PRELID2: variants seen among roughly 807,000 people sequenced by gnomAD.
PRELID2 encodes PRELI domain-containing protein 2.
A neutral mutation model predicts 28.4 loss-of-function variants in PRELID2; 25 were observed. The ratio of observed to expected loss-of-function variants is 0.88; its 90% CI spans 0.64 to 1.23. The LOEUF is 1.23. PRELID2 is among the 50% of genes most tolerant of loss of function. PRELID2 has a pLI of 0.00. For synonymous variants in PRELID2, 76 were observed against 71.6 expected, an observed-to-expected ratio of 1.06 and a Z score of -0.31; for missense variants, 201 against 214.4, an observed-to-expected ratio of 0.94 and a Z score of 0.39.
intron 5 of PRELID2, among the ~76,000 whole-genome samples, chr5:145,773,430 T>G (rs1758224413): frequency 6.6e-6 from 1 of 152,246 alleles, no homozygotes; most frequent in African/African-American, 2.4e-5. Context: ...TTTTAAAAAA[T>G]TTGACCTGCA....
intron 1 of PRELID2, among the ~76,000 whole-genome samples, chr5:145,733,559 T>A (rs542809431): frequency 6.6e-6 from 1 of 152,236 alleles, no homozygotes; most frequent in African/African-American, 2.4e-5. Context: ...TTTCTCTAGA[T>A]GAAGCAAGAA....
intron 1 of PRELID2, among the ~76,000 whole-genome samples, chr5:145,494,944 A>G (rs1044843001): frequency 3.9e-5 from 6 of 152,176 alleles, no homozygotes; most frequent in Non-Finnish European, 8.8e-5. Flanking sequence ...ATATTCTTAT[A>G]TGTTAAGTGT....
the PRELID2 span, among the ~76,000 whole-genome samples, chr5:145,445,741 A>AACAC: frequency 9.5e-4 from 142 of 149,222 alleles, no homozygotes; most frequent in Non-Finnish European, 1.5e-3. Flanking sequence ...TGTCTCACAA[A>AACAC]ACACACACAC....
chr5:145,643,247 G>A (rs1228225101), intron 1 of PRELID2, among the ~76,000 whole-genome samples: 1 of 152,066 alleles, frequency 6.6e-6, no homozygotes, highest in East Asian at 1.9e-4. Flanking sequence ...TTGTAAATTG[G>A]ATTCCTAGGT....
At chr5:145,787,664 G>A (rs948676307) in intron 5 of PRELID2, among the ~76,000 whole-genome samples, 4 of 151,524 alleles carry the variant, frequency 2.6e-5, no homozygotes, top group Admixed American at 6.6e-5. Flanking sequence ...CTCAGCCCCC[G>A]GAGCAGCTGG....
At chr5:145,590,637 T>C (rs962203259) in intron 1 of PRELID2, among the ~76,000 whole-genome samples, 2 of 152,208 alleles carry the variant, frequency 1.3e-5, no homozygotes, top group African/African-American at 4.8e-5. Flanking sequence ...CTTACTAAAT[T>C]GTTACAAATC....
At chr5:145,377,575 C>G in the PRELID2 span, among the ~76,000 whole-genome samples, 1 of 152,120 alleles carries the variant, frequency 6.6e-6, no homozygotes, top group Admixed American at 6.6e-5. Context: ...ATATTTAAGA[C>G]AGTTAAATCT....
At chr5:145,324,572 T>G in the PRELID2 span, among the ~76,000 whole-genome samples, 1 of 152,210 alleles carries the variant, frequency 6.6e-6, no homozygotes, top group East Asian at 1.9e-4. Flanking sequence ...GAATAATTCT[T>G]GCCAAATAAG....
At chr5:145,361,756 C>T in the PRELID2 span, among the ~76,000 whole-genome samples, 1 of 152,168 alleles carries the variant, frequency 6.6e-6, no homozygotes, top group African/African-American at 2.4e-5. Flanking sequence ...TGAACCACAC[C>T]TAGCCTTCTG....
the PRELID2 span, among the ~76,000 whole-genome samples, chr5:145,230,511 G>A: frequency 4.6e-5 from 7 of 152,016 alleles, no homozygotes; most frequent in African/African-American, 1.5e-4. Flanking sequence ...TCTGGGAGGT[G>A]GAGGTTGCAG....
the PRELID2 span, among the ~76,000 whole-genome samples, chr5:145,437,693 A>G: frequency 2.0e-5 from 3 of 152,070 alleles, no homozygotes; most frequent in Admixed American, 2.0e-4. Flanking sequence ...GGGAGGCCTG[A>G]TGCTCTCTGG....
At chr5:145,820,131 T>G (rs1754673895) in intron 2 of PRELID2, 113 bp from the exon 3 acceptor site, 2 of 564,970 alleles carry the variant, frequency 3.5e-6, no homozygotes, top group East Asian at 6.4e-5. Flanking sequence ...TTGTTTTTTT[T>G]TTTTGAGACA....
chr5:145,364,426 T>C, the PRELID2 span, among the ~76,000 whole-genome samples: 1 of 152,036 alleles, frequency 6.6e-6, no homozygotes, highest in Non-Finnish European at 1.5e-5. Context: ...TTAATGTACC[T>C]TTAAATCATC....
the PRELID2 span, among the ~76,000 whole-genome samples, chr5:145,418,895 A>C: frequency 7.0e-6 from 1 of 143,518 alleles, no homozygotes; most frequent in South Asian, 2.4e-4. Flanking sequence ...CCACCCCACA[A>C]CAGTCCCCAG....
intron 1 of PRELID2, among the ~76,000 whole-genome samples, chr5:145,667,548 C>G (rs939118016): frequency 6.6e-6 from 1 of 152,026 alleles, no homozygotes; most frequent in African/African-American, 2.4e-5. Context: ...CAGTGAGTGA[C>G]AGAGTCATCA....
chr5:145,442,848 CA>C, the PRELID2 span, among the ~76,000 whole-genome samples: 6 of 151,960 alleles, frequency 3.9e-5, no homozygotes, highest in African/African-American at 1.2e-4. Flanking sequence ...AAGCTGGTTA[CA>C]AGCAATCCAT....
chr5:145,453,979 C>CAA, the PRELID2 span, among the ~76,000 whole-genome samples: 1 of 152,096 alleles, frequency 6.6e-6, no homozygotes, highest in Non-Finnish European at 1.5e-5. Flanking sequence ...GGTATATACC[C>CAA]AGTAATAGGA....
At chr5:145,283,655 C>A in the PRELID2 span, among the ~76,000 whole-genome samples, 8 of 152,260 alleles carry the variant, frequency 5.3e-5, no homozygotes, top group East Asian at 1.5e-3. Context: ...CAGTACAGAA[C>A]AATTGCCAAA....
At chr5:145,394,213 A>T in the PRELID2 span, among the ~76,000 whole-genome samples, 32 of 152,332 alleles carry the variant, frequency 2.1e-4, no homozygotes, top group East Asian at 5.8e-3. Flanking sequence ...TGGATTAAGA[A>T]AATTTGGCAC....
Sources: allele counts gnomAD v4.1 joint callset (sites outside exome capture counted in the v4.1 genomes callset), GRCh38; gene constraint gnomAD v4.1.1; transcripts MANE v1.5; gene names NCBI Gene and HGNC (gene_info 2026-07-23, HGNC 2026-07-21).